Variants in NXPE2 observed in about 807,000 individuals in gnomAD.
NXPE2 encodes neurexophilin and PC-esterase domain family member 2, also known as NXPE family member 2.
In NXPE2, 34 loss-of-function variants were observed where a neutral mutation model predicts 34.4. The observed-to-expected ratio is 0.99, with a 90% CI of 0.75 to 1.31. NXPE2 has a LOEUF of 1.31. Ranked by LOEUF, NXPE2 falls within the 40% of genes most tolerant of loss-of-function variation. The pLI, the probability that NXPE2 is intolerant of heterozygous loss-of-function variation, is 0.00. For missense variants in NXPE2, 649 were observed against 672.5 expected, an observed-to-expected ratio of 0.97 and a Z score of 0.39; for synonymous variants, 235 against 231.3, an observed-to-expected ratio of 1.02 and a Z score of -0.15.
chr11:114,503,244 A>AG, the NXPE2 span, among the ~76,000 whole-genome samples: 1 of 152,218 alleles, frequency 6.6e-6, no homozygotes, highest in Non-Finnish European at 1.5e-5. Flanking sequence ...TAGAGCATCC[A>AG]GGTGGCTTTT....
At chr11:114,525,817 A>G in the NXPE2 span, among the ~76,000 whole-genome samples, 8 of 152,214 alleles carry the variant, frequency 5.3e-5, no homozygotes, top group Admixed American at 3.3e-4. Flanking sequence ...GTACATGTAT[A>G]AGAGTCAAGC....
chr11:114,633,378 GTAT>G, the NXPE2 span, among the ~76,000 whole-genome samples: 4 of 140,486 alleles, frequency 2.8e-5, no homozygotes, highest in African/African-American at 1.0e-4. Flanking sequence ...AATATATTAT[GTAT>G]TATATTATAT....
At chr11:114,610,856 C>T in the NXPE2 span, among the ~76,000 whole-genome samples, 288 of 152,016 alleles carry the variant, frequency 1.9e-3, 3 homozygotes, top group African/African-American at 5.6e-3. Flanking sequence ...CTAGGGTAAC[C>T]ACTGTTCCCC....
At chr11:114,655,954 A>T in the NXPE2 span, among the ~76,000 whole-genome samples, 1 of 152,192 alleles carries the variant, frequency 6.6e-6, no homozygotes, top group Non-Finnish European at 1.5e-5. Context: ...AAAGAAATAA[A>T]GCGTATTCAC....
chr11:114,808,092 T>G, the NXPE2 span, among the ~76,000 whole-genome samples: 1 of 152,208 alleles, frequency 6.6e-6, no homozygotes, highest in Non-Finnish European at 1.5e-5. Context: ...CCTGAACGAC[T>G]ACTGGGTAAA....
chr11:114,785,694 T>C, the NXPE2 span, among the ~76,000 whole-genome samples: 3 of 152,164 alleles, frequency 2.0e-5, no homozygotes, highest in African/African-American at 7.2e-5. Context: ...TCCTTCCCAG[T>C]TTAGAAACCT....
At chr11:114,501,786 G>A in the NXPE2 span, among the ~76,000 whole-genome samples, 5 of 152,112 alleles carry the variant, frequency 3.3e-5, no homozygotes, top group South Asian at 2.1e-4. Context: ...GTATCTCAAC[G>A]TATCAGTGAG....
the NXPE2 span, among the ~76,000 whole-genome samples, chr11:114,779,540 C>T: frequency 6.6e-6 from 1 of 152,048 alleles, no homozygotes; most frequent in Non-Finnish European, 1.5e-5. Flanking sequence ...GCTCTGTCAG[C>T]AAGTTCTTGC....
chr11:114,721,042 TA>T, the NXPE2 span, among the ~76,000 whole-genome samples: 1 of 152,096 alleles, frequency 6.6e-6, no homozygotes, highest in South Asian at 2.1e-4. Context: ...TCCTAGCCTA[TA>T]GGAAATCCCC....
chr11:114,717,478 AG>A, the NXPE2 span, among the ~76,000 whole-genome samples: 1 of 152,236 alleles, frequency 6.6e-6, no homozygotes, highest in African/African-American at 2.4e-5. Flanking sequence ...AATGTTTCAA[AG>A]TATCTGACAT....
chr11:114,584,731 C>T, the NXPE2 span: 1 of 152,802 alleles, frequency 6.5e-6, no homozygotes. Flanking sequence ...CCTGCCTAGT[C>T]CCCAATCTTT....
At chr11:114,531,161 T>C in the NXPE2 span, among the ~76,000 whole-genome samples, 1 of 152,162 alleles carries the variant, frequency 6.6e-6, no homozygotes, top group Admixed American at 6.5e-5. Flanking sequence ...TAATTTTGTA[T>C]AAAATGTAAA....
the NXPE2 span, among the ~76,000 whole-genome samples, chr11:114,606,910 G>A: frequency 3.3e-5 from 5 of 151,788 alleles, no homozygotes; most frequent in Admixed American, 3.3e-4. Context: ...GTTACCCGGT[G>A]GATAATAAGT....
the NXPE2 span, among the ~76,000 whole-genome samples, chr11:114,776,682 A>T: frequency 6.6e-6 from 1 of 152,236 alleles, no homozygotes; most frequent in African/African-American, 2.4e-5. Context: ...TGTCAAGATG[A>T]CATCACCTTA....
rs1413911812 is a variant in NXPE2 at position 114,706,733 on chromosome 11, A to C, written c.1483A>C (p.Ile495Leu). ...ACTTAAAACTGAAAACACCAGAGAGATAGAACAAAATGCAGAGATGTTCAG... is the reference window on the plus strand; with the variant it reads ...ACTTAAAACTGAAAACACCAGAGAGCTAGAACAAAATGCAGAGATGTTCAG... Reference protein sequence around the residue: ...VILKTENTREIEQNAEMFSDF... With the variant: ...VILKTENTRELEQNAEMFSDF... Residue 495 changes from isoleucine (I) to leucine (L), a missense_variant, in exon 6 of 6, where the codon ATA (isoleucine) becomes CTA (leucine). Transcript: ENST00000389586. The C allele has an allele frequency of 6.4e-7, 1 of 1,552,348 alleles. No individual in the cohort carries two copies.
At chr11:114,808,023 C>T in the NXPE2 span, among the ~76,000 whole-genome samples, 1 of 152,162 alleles carries the variant, frequency 6.6e-6, no homozygotes, top group East Asian at 1.9e-4. Flanking sequence ...CAAACTAGAA[C>T]CCAGGATTAA....
At chr11:114,556,337 T>C in the NXPE2 span, among the ~76,000 whole-genome samples, 1 of 152,224 alleles carries the variant, frequency 6.6e-6, no homozygotes, top group Non-Finnish European at 1.5e-5. Context: ...AAATCTCTAC[T>C]TATTCAGCAG....
chr11:114,637,234 T>C, the NXPE2 span, among the ~76,000 whole-genome samples: 2 of 151,904 alleles, frequency 1.3e-5, no homozygotes, highest in Non-Finnish European at 2.9e-5. Context: ...TCTTTGTCTC[T>C]TTTGATCTTT....
the NXPE2 span, among the ~76,000 whole-genome samples, chr11:114,487,718 T>C: frequency 2.0e-4 from 31 of 152,202 alleles, no homozygotes; most frequent in African/African-American, 7.2e-4. Context: ...TAAGGGTTTT[T>C]ATCATGAAGG....
Sources: gnomAD v4.1 joint callset for allele counts (sites outside exome capture counted in the v4.1 genomes callset) on GRCh38, gnomAD v4.1.1 for gene constraint, MANE v1.5 for transcripts, NCBI Gene and HGNC (gene_info 2026-07-23, HGNC 2026-07-21) for gene names.